The following KCNJ6 variants were observed in gnomAD, a reference collection of about 807,000 sequenced individuals.
KCNJ6 encodes the protein potassium inwardly rectifying channel subfamily J member 6.
In KCNJ6, 9 loss-of-function variants were observed where a neutral mutation model predicts 34.2. That is an observed-to-expected ratio of 0.26 (90% CI 0.16 to 0.46). The LOEUF (loss-of-function observed/expected upper bound fraction) is 0.46. Among genes scored for constraint, KCNJ6 ranks in the 20% least tolerant of loss-of-function variants. KCNJ6 has a pLI of 1.00. For missense variants in KCNJ6, 236 were observed against 531.3 expected, an observed-to-expected ratio of 0.44 and a Z score of 5.46; for synonymous variants, 196 against 207.1, an observed-to-expected ratio of 0.95 and a Z score of 0.46.
At chr21:37,853,862 A>ATATATATATATATATATATATATATAT (rs1568872528) in intron 1 of KCNJ6, among the ~76,000 whole-genome samples, 1 of 146,666 alleles carries the variant, frequency 6.8e-6, no homozygotes, top group African/African-American at 2.5e-5. Flanking sequence ...ATATATATAT[A>ATATATATATATATATATATATATATAT]AATTACATTG....
At chr21:37,909,872 C>A (rs1262145616) in intron 1 of KCNJ6, among the ~76,000 whole-genome samples, 1 of 152,184 alleles carries the variant, frequency 6.6e-6, no homozygotes, top group Non-Finnish European at 1.5e-5. Context: ...GATGTCTCTA[C>A]CTGTTGCTGC....
chr21:37,673,484 C>T (rs2123410132), intron 3 of KCNJ6, among the ~76,000 whole-genome samples: 1 of 152,358 alleles, frequency 6.6e-6, no homozygotes, highest in East Asian at 1.9e-4. Flanking sequence ...TAGGATTTGT[C>T]TCTCAGCTTC....
intron 3 of KCNJ6, among the ~76,000 whole-genome samples, chr21:37,660,542 T>C (rs2054483468): frequency 6.6e-6 from 1 of 152,194 alleles, no homozygotes; most frequent in Non-Finnish European, 1.5e-5. Flanking sequence ...TTCCCTACTA[T>C]GGCCACAGAA....
chr21:37,813,698 A>G (rs2055333365), intron 2 of KCNJ6, among the ~76,000 whole-genome samples: 1 of 152,216 alleles, frequency 6.6e-6, no homozygotes, highest in Admixed American at 6.5e-5. Context: ...CTGGATATCC[A>G]TATGCAGAAG....
At position 37,916,451 on chromosome 21, in the gene KCNJ6, T is replaced by TA. The variant is rs2055895251; in HGVS notation, c.-596dup. ...CGCACGAAGCGACGCGGCTCCGAGATAAAAGCGAGTGCAGCGCCGCGTGCT... is the reference window on the plus strand; with the variant it reads ...CGCACGAAGCGACGCGGCTCCGAGATAAAAAGCGAGTGCAGCGCCGCGTGCT... On this transcript the variant is annotated 5_prime_UTR_variant, in exon 1 of 4. Transcript: ENST00000609713. The TA allele has an allele frequency of 6.7e-6, 1 of 148,766 alleles. No individual in the cohort carries two copies. Among genetic ancestry groups the TA allele is most frequent in the African/African-American group, 2.5e-5 (1 of 40,248 alleles). The allele number at this position is 148,766 out of a possible 1,614,324, so 9.2% of individuals were successfully genotyped here.
intron 1 of KCNJ6, among the ~76,000 whole-genome samples, chr21:37,852,961 T>C (rs932221905): frequency 5.9e-5 from 9 of 151,674 alleles, no homozygotes; most frequent in African/African-American, 1.9e-4. Flanking sequence ...GATAGAACAA[T>C]AGAAATTATA....
At chr21:37,757,150 A>AGCGT (rs745349000) in intron 2 of KCNJ6, among the ~76,000 whole-genome samples, 1 of 2 alleles carries the variant, frequency 0.5, no homozygotes, top group Non-Finnish European at 0.5. Context: ...ACTCCCTCAC[A>AGCGT]GAATCCAGCT....
At chr21:37,667,476 G>A (rs1179882480) in intron 3 of KCNJ6, among the ~76,000 whole-genome samples, 2 of 151,980 alleles carry the variant, frequency 1.3e-5, no homozygotes, top group East Asian at 3.9e-4. Context: ...GGTAGTAGGC[G>A]CCGGGGTAGC....
intron 2 of KCNJ6, among the ~76,000 whole-genome samples, chr21:37,727,152 C>T (rs1248303027): frequency 1.3e-5 from 2 of 152,160 alleles, no homozygotes; most frequent in African/African-American, 4.8e-5. Flanking sequence ...AAGATTCTCC[C>T]TTTGAGCTTT....
chr21:37,817,528 C>CT (rs2055352422), intron 2 of KCNJ6, among the ~76,000 whole-genome samples: 1 of 152,142 alleles, frequency 6.6e-6, no homozygotes, highest in Non-Finnish European at 1.5e-5. Context: ...AGTGTTGAGA[C>CT]TGTGAGGAGG....
chr21:37,791,141 C>T (rs555611713), intron 2 of KCNJ6, among the ~76,000 whole-genome samples: 2 of 152,232 alleles, frequency 1.3e-5, no homozygotes, highest in African/African-American at 4.8e-5. Context: ...TCTGCTGGAC[C>T]AGGCATGAGG....
intron 1 of KCNJ6, among the ~76,000 whole-genome samples, chr21:37,850,920 C>T (rs918120324): frequency 1.8e-4 from 27 of 152,174 alleles, no homozygotes; most frequent in African/African-American, 6.5e-4. Context: ...ATTTGTCATG[C>T]TTCACCTTGA....
intron 2 of KCNJ6, among the ~76,000 whole-genome samples, chr21:37,750,721 G>A (rs2054990996): frequency 6.6e-6 from 1 of 152,084 alleles, no homozygotes; most frequent in Admixed American, 6.6e-5. Context: ...CACACTCCAG[G>A]GCCTGTCTAG....
intron 1 of KCNJ6, among the ~76,000 whole-genome samples, chr21:37,879,714 A>AGTGTGTGTGT (rs56736533): frequency 2.8e-5 from 4 of 143,378 alleles, no homozygotes; most frequent in African/African-American, 7.9e-5. Context: ...CTTGAAATGA[A>AGTGTGTGTGT]GTGTGTGTGT....
At chr21:37,889,060 A>G (rs888415173) in intron 1 of KCNJ6, among the ~76,000 whole-genome samples, 1 of 152,202 alleles carries the variant, frequency 6.6e-6, no homozygotes, top group Non-Finnish European at 1.5e-5. Context: ...GAAGGAAGGT[A>G]GGAGATGCTG....
chr21:37,788,882 T>C (rs1454296346), intron 2 of KCNJ6, among the ~76,000 whole-genome samples: 1 of 152,214 alleles, frequency 6.6e-6, no homozygotes, highest in East Asian at 1.9e-4. Context: ...TGGTTTGTTA[T>C]GCAGCAAAAG....
At chr21:37,692,716 A>G (rs1346328430) in intron 3 of KCNJ6, among the ~76,000 whole-genome samples, 1 of 152,200 alleles carries the variant, frequency 6.6e-6, no homozygotes, top group Non-Finnish European at 1.5e-5. Context: ...TCAAAGAGAC[A>G]TAGAATATTG....
In KCNJ6 at chr21:37,615,240, C is replaced by CCTTT. The variant is rs774526741; in HGVS notation, c.*9918_*9919insAAAG. On this transcript the variant is annotated 3_prime_UTR_variant, in exon 4 of 4. Coordinates refer to ENST00000609713, the MANE Select transcript of KCNJ6 (RefSeq NM_002240.5). ...TCAGACCCTCGACTGACATTCCCAG[C>CCTTT]ATTCTTTTTTTTTTTTTTTTTTTTT... 2.7e-3 allele frequency: 242 copies of CCTTT among 89,570 alleles called. 1 individual carries two copies. The highest frequency in any genetic ancestry group is 0.014 in the East Asian group (55 of 3,974). The allele number at this position is 89,570 out of a possible 1,614,324, so 5.5% of individuals were successfully genotyped here. A position where few individuals can be genotyped will look rare whatever the true frequency, so the allele number is the denominator to read the frequency against.
chr21:37,740,525 G>A lies in KCNJ6; in HGVS notation c.26-25394C>T, dbSNP rs116188482. 4.2e-3 allele frequency among the ~76,000 whole-genome samples: 642 copies of A among 152,202 alleles called. 7 individuals are homozygous for A. The highest frequency in any genetic ancestry group is 0.015 in the African/African-American group (615 of 41,510). On this transcript the variant is annotated intron_variant, in intron 2 of 3. Transcript: ENST00000609713. ...CAACCCCCCTCCTTTGAGTTGTCCC[G>A]CCTTTCTGGACTGAACCAATGTATT... is the stretch of plus-strand genomic sequence containing the variant.
Sources: allele counts gnomAD v4.1 joint callset (sites outside exome capture counted in the v4.1 genomes callset), GRCh38; gene constraint gnomAD v4.1.1; transcripts MANE v1.5; gene names NCBI Gene and HGNC (gene_info 2026-07-23, HGNC 2026-07-21).